MTOR: variants seen among roughly 807,000 people sequenced by gnomAD.
MTOR encodes the protein mechanistic target of rapamycin kinase, also known as serine/threonine-protein kinase mTOR.
A neutral mutation model predicts 319.8 loss-of-function variants in MTOR; 70 were observed. The ratio of observed to expected loss-of-function variants is 0.22; its 90% CI spans 0.18 to 0.27. The LOEUF (loss-of-function observed/expected upper bound fraction) is 0.27. Ranked by LOEUF, MTOR falls within the 10% of genes least tolerant of loss-of-function variation. The pLI is 1.00. For missense variants in MTOR, 1,890 were observed against 3,274.4 expected (o/e 0.58, Z 10.32); for synonymous variants, 1,183 against 1,211.4 (o/e 0.98, Z 0.49).
rs1557495591 is a variant in MTOR, at chr1:11,256,110, A to G, written c.587T>C (p.Val196Ala). 1 of 1,614,204 alleles carries G rather than the reference A, an allele frequency of 6.2e-7. No homozygotes were observed. The highest frequency in any genetic ancestry group is 2.2e-5 in the East Asian group (1 of 44,874). Residue 196 changes from valine to alanine, a missense_variant, in exon 5 of 58, where the codon GTG (valine) becomes GCG (alanine). By Grantham distance (64) the Val-to-Ala change is moderately conservative. Coordinates refer to ENST00000361445, the MANE Select transcript of MTOR (RefSeq NM_004958.4). Reference protein sequence around the residue: ...QVQPFFDNIFVAVWDPKQAIR... With the variant: ...QVQPFFDNIFAAVWDPKQAIR... ...GGCCTGTTTGGGGTCCCACACGGCC[A>G]CAAAAATGTTGTCAAAGAAGGGTTG...
At position 11,256,962 on chromosome 1, in the gene MTOR, C is replaced by T; in HGVS notation, c.475G>A (p.Asp159Asn). The change falls in exon 4 of 58, where the codon GAC becomes AAC. Residue 159 changes from aspartate (D) to asparagine (N), a missense_variant. Physicochemically the swap from Asp to Asn is conservative, Grantham distance 23. Coordinates refer to ENST00000361445, the MANE Select transcript of MTOR (RefSeq NM_004958.4). ...VKRALEWLGADRNEGRRHAAV... is the reference protein window; with the variant it reads ...VKRALEWLGANRNEGRRHAAV... ...GCATGTCTCCGGCCCTCATTGCGGT[C>T]AGCACCCAGCCATTCCAGGGCTCGC... 1 of 1,613,988 alleles carries T rather than the reference C, an allele frequency of 6.2e-7. No homozygotes were observed. Among genetic ancestry groups the T allele is most frequent in the Non-Finnish European group, 8.5e-7 (1 of 1,179,984 alleles).
chr1:11,128,604 T>A lies in MTOR; in HGVS notation c.5812-52A>T. 1 of 1,519,416 alleles carries A rather than the reference T, an allele frequency of 6.6e-7. No individual in the cohort carries two copies. Among genetic ancestry groups the A allele is most frequent in the African/African-American group, 1.4e-5 (1 of 73,172 alleles). The allele number at this position is 1,519,416 out of a possible 1,614,324, so 94.1% of individuals were successfully genotyped here. On this transcript the variant is annotated intron_variant, in intron 41 of 57. Coordinates refer to ENST00000361445, the MANE Select transcript of MTOR (RefSeq NM_004958.4). This position sits in a 1 kb window ranked among gnomAD's most constrained non-coding sequence, Gnocchi z 5.3. Reference sequence around the variant, plus strand: ...AGCATATGAGACTTGAAACAACTAGTTATTCTTCTAGGCAAAGATCAATTC... The same window carrying A: ...AGCATATGAGACTTGAAACAACTAGATATTCTTCTAGGCAAAGATCAATTC...
Position 11,128,278 on chromosome 1 carries a change from C to A in MTOR, c.5911-152G>T. 7.4e-7 allele frequency: 1 copy of A among 1,342,984 alleles called. No individual in the cohort carries two copies. The allele number at this position is 1,342,984 out of a possible 1,614,324, so 83.2% of individuals were successfully genotyped here. ...AAGGGGCTCAGTCTTCGAGGGAACG[C>A]TTTCTTTTTAGCAAGGCTCCCGGGC... On this transcript the variant is annotated intron_variant, in intron 42 of 57. Transcript: ENST00000361445. The surrounding 1 kb of genome is among the most constrained non-coding windows in gnomAD (Gnocchi z 5.3).
At chr1:11,251,951 C>T (rs1448797546) in intron 6 of MTOR, among the ~76,000 whole-genome samples, 1 of 152,122 alleles carries the variant, frequency 6.6e-6, no homozygotes, top group Non-Finnish European at 1.5e-5. Context: ...ATGTTAAACT[C>T]AGGAGGTAAA....
At chr1:11,253,297 C>A (rs1056862613) in intron 6 of MTOR, among the ~76,000 whole-genome samples, 3 of 152,162 alleles carry the variant, frequency 2.0e-5, no homozygotes, top group Admixed American at 6.5e-5. Context: ...TTCATTCCTG[C>A]CTTTCCCCAC....
intron 29 of MTOR, among the ~76,000 whole-genome samples, chr1:11,163,326 C>T (rs1270086761): frequency 1.3e-5 from 2 of 152,134 alleles, no homozygotes; most frequent in Non-Finnish European, 2.9e-5. Flanking sequence ...GACTCCCAAA[C>T]AGTAATAATG....
At position 11,212,734 on chromosome 1, in the gene MTOR, T is replaced by C. The variant is rs919850124; in HGVS notation, c.3398+62A>G. 4 of 1,413,612 alleles carry C rather than the reference T, an allele frequency of 2.8e-6. No individual in the cohort carries two copies. The highest frequency in any genetic ancestry group is 4.0e-6 in the Non-Finnish European group (4 of 1,007,216). 87.6% of individuals were successfully genotyped at this position (1,413,612 alleles called of 1,614,324 possible). A position where few individuals can be genotyped will look rare whatever the true frequency, so the allele number is the denominator to read the frequency against. On this transcript the variant is annotated intron_variant, in intron 22 of 57. Transcript: ENST00000361445. This position sits in a 1 kb window ranked among gnomAD's most constrained non-coding sequence, Gnocchi z 4.1. ...AAAGATGGCCTGGGAACTTAAGAAA[T>C]GAACATTTTCAACAAAACATTAAAG...
chr1:11,184,603 C>T (rs537733337), intron 28 of MTOR, among the ~76,000 whole-genome samples: 4 of 152,000 alleles, frequency 2.6e-5, no homozygotes, highest in South Asian at 2.1e-4. Context: ...TGTTGGTGTG[C>T]GCTTGTATTC....
intron 36 of MTOR, among the ~76,000 whole-genome samples, chr1:11,135,353 A>G (rs564947974): frequency 4.6e-5 from 7 of 152,380 alleles, no homozygotes; most frequent in African/African-American, 1.4e-4. Context: ...TACAAACATC[A>G]AAAGCTCAAA....
chr1:11,228,396 C>T (rs1290200626), intron 19 of MTOR, among the ~76,000 whole-genome samples: 2 of 152,062 alleles, frequency 1.3e-5, no homozygotes, highest in East Asian at 3.9e-4. Context: ...ACCATGTTGG[C>T]CAGGCTGGTC....
chr1:11,137,837 T>C (rs1362872376), intron 36 of MTOR, among the ~76,000 whole-genome samples: 1 of 152,216 alleles, frequency 6.6e-6, no homozygotes, highest in African/African-American at 2.4e-5. Flanking sequence ...ACAAATACTT[T>C]CCTTTGCCTC....
At chr1:11,192,334 TC>T (rs1645572657) in intron 28 of MTOR, 1 of 1,613,942 alleles carries the variant, frequency 6.2e-7, no homozygotes, top group African/African-American at 1.3e-5. Flanking sequence ...TGTATAAGCT[TC>T]CTCCTGATGA....
Position 11,115,515 on chromosome 1 carries a change from GGAT to G in MTOR, c.7017-50_7017-48del, listed in dbSNP as rs1557740630. On this transcript the variant is annotated intron_variant, in intron 50 of 57. Coordinates refer to ENST00000361445, the MANE Select transcript of MTOR (RefSeq NM_004958.4). This position sits in a 1 kb window ranked among gnomAD's most constrained non-coding sequence, Gnocchi z 4.5. The stretch of plus-strand genomic sequence containing the variant: ...TCAGGGAGGGATCAACAGAGATAAC[GGAT>G]GAAAAAATCAATAAGTACGTGATAC... 6.3e-7 allele frequency: 1 copy of G among 1,575,250 alleles called. No homozygotes were observed. Among genetic ancestry groups the G allele is most frequent in the Non-Finnish European group, 8.7e-7 (1 of 1,144,826 alleles).
intron 46 of MTOR, among the ~76,000 whole-genome samples, 158 bp downstream of exon 46, chr1:11,126,464 A>G (rs1642843072): frequency 6.6e-6 from 1 of 152,198 alleles, no homozygotes; most frequent in South Asian, 2.1e-4. Context: ...ATAATGAGAA[A>G]TTTGCTTGCC....
chr1:11,245,715 C>T (rs1248866680), intron 8 of MTOR, among the ~76,000 whole-genome samples: 1 of 152,146 alleles, frequency 6.6e-6, no homozygotes, highest in African/African-American at 2.4e-5. Flanking sequence ...GCCTGGGCAA[C>T]ACAGTGAGAT....
At chr1:11,215,072 C>T (rs1259867072) in intron 20 of MTOR, among the ~76,000 whole-genome samples, 1 of 152,188 alleles carries the variant, frequency 6.6e-6, no homozygotes, top group African/African-American at 2.4e-5. Flanking sequence ...GAAATGAAAG[C>T]TGTATTTTGC....
At chr1:11,188,480 C>T (rs1197987675) in intron 28 of MTOR, among the ~76,000 whole-genome samples, 1 of 152,152 alleles carries the variant, frequency 6.6e-6, no homozygotes, top group East Asian at 1.9e-4. Flanking sequence ...GGATTCTTTT[C>T]TCTATATTTT....
At chr1:11,171,118 C>A (rs1256381502) in intron 28 of MTOR, among the ~76,000 whole-genome samples, 1 of 150,302 alleles carries the variant, frequency 6.7e-6, no homozygotes, top group Non-Finnish European at 1.5e-5. Context: ...TTGCTTGAAC[C>A]CAGGAGGTGG....
intron 36 of MTOR, among the ~76,000 whole-genome samples, chr1:11,137,933 G>GCACAATTAT (rs1570966191): frequency 6.6e-6 from 1 of 152,324 alleles, no homozygotes; most frequent in East Asian, 1.9e-4. Context: ...TTATTAAGTA[G>GCACAATTAT]TCAGTTTTCC....
Sources: gnomAD v4.1 joint callset for allele counts (sites outside exome capture counted in the v4.1 genomes callset) on GRCh38, gnomAD v4.1.1 for gene constraint, Gnocchi (gnomAD v3.1) non-coding constraint, MANE v1.5 for transcripts, NCBI Gene and HGNC (gene_info 2026-07-23, HGNC 2026-07-21) for gene names.